Variants in LRRIQ3 observed in about 807,000 individuals in gnomAD.
LRRIQ3 encodes leucine-rich repeat and IQ domain-containing protein 3.
A neutral mutation model predicts 59.3 loss-of-function variants in LRRIQ3; 75 were observed. That is an observed-to-expected ratio of 1.26 (90% CI 1.05 to 1.53). The LOEUF is 1.53. LRRIQ3 is among the 40% of genes most tolerant of loss of function. LRRIQ3 has a pLI of 0.00. For missense variants in LRRIQ3, 831 were observed against 710.0 expected, an observed-to-expected ratio of 1.17 and a Z score of -1.94; for synonymous variants, 250 against 231.3, an observed-to-expected ratio of 1.08 and a Z score of -0.73.
intron 4 of LRRIQ3, among the ~76,000 whole-genome samples, chr1:74,111,932 A>G (rs1258153519): frequency 6.6e-6 from 1 of 152,104 alleles, no homozygotes; most frequent in Non-Finnish European, 1.5e-5. Flanking sequence ...ATATTATGTC[A>G]GGAAAGAATA....
intron 3 of LRRIQ3, chr1:74,179,969 G>C (rs956899568): frequency 6.6e-6 from 1 of 151,612 alleles, no homozygotes; most frequent in African/African-American, 2.4e-5. Context: ...TATATATTTG[G>C]TAAGTTAAAG....
At chr1:74,165,903 C>A (rs2100689276) in intron 3 of LRRIQ3, among the ~76,000 whole-genome samples, 1 of 151,610 alleles carries the variant, frequency 6.6e-6, no homozygotes, top group East Asian at 1.9e-4. Context: ...ATCCTTGAAT[C>A]CCTATACTTG....
In LRRIQ3 at chr1:74,135,948, A is replaced by G. The variant is rs999823006; in HGVS notation, c.707+19785T>C. ...TAGAAAAATAGTAGAGAAAATTAAT[A>G]AAATCATTGATTCTTTGAAAATATC... On this transcript the variant is annotated intron_variant, in intron 4 of 7. Coordinates refer to ENST00000354431, the MANE Select transcript of LRRIQ3 (RefSeq NM_001105659.2). 2.6e-5 allele frequency among the ~76,000 whole-genome samples: 4 copies of G among 152,044 alleles called. No homozygotes were observed. The South Asian group carries it at 8.3e-4, about 32-fold the overall frequency.
chr1:74,092,281 C>T (rs529995525), intron 5 of LRRIQ3, among the ~76,000 whole-genome samples: 4 of 152,062 alleles, frequency 2.6e-5, no homozygotes, highest in Non-Finnish European at 5.9e-5. Context: ...CTGTATACCT[C>T]TGGAGTTTTA....
At chr1:74,081,452 G>A (rs575912459) in intron 5 of LRRIQ3, among the ~76,000 whole-genome samples, 7 of 151,710 alleles carry the variant, frequency 4.6e-5, no homozygotes, top group African/African-American at 1.7e-4. Flanking sequence ...CTACACTACA[G>A]TGGGCACTTG....
chr1:74,071,020 C>CATATATAT (rs34448621), intron 6 of LRRIQ3, among the ~76,000 whole-genome samples: 1 of 147,884 alleles, frequency 6.8e-6, no homozygotes, highest in African/African-American at 2.5e-5. Context: ...GCTATATATA[C>CATATATAT]ATATATATAT....
intron 4 of LRRIQ3, among the ~76,000 whole-genome samples, chr1:74,135,114 A>G (rs540680346): frequency 3.9e-4 from 59 of 152,094 alleles, no homozygotes; most frequent in African/African-American, 1.4e-3. Context: ...TTCTAATATT[A>G]GACAAAATAG....
intron 4 of LRRIQ3, among the ~76,000 whole-genome samples, chr1:74,133,245 C>T (rs1316109804): frequency 1.3e-5 from 2 of 152,090 alleles, no homozygotes; most frequent in Non-Finnish European, 2.9e-5. Context: ...GAAATAGGAA[C>T]ACTTTTATAC....
chr1:74,116,364 A>T (rs938270604), intron 4 of LRRIQ3, among the ~76,000 whole-genome samples: 1 of 152,044 alleles, frequency 6.6e-6, no homozygotes, highest in Non-Finnish European at 1.5e-5. Flanking sequence ...GAAGGCTAGA[A>T]AACCAATATA....
chr1:74,116,902 T>A (rs1208349705), intron 4 of LRRIQ3, among the ~76,000 whole-genome samples: 1 of 152,102 alleles, frequency 6.6e-6, no homozygotes. Flanking sequence ...TTCAAACGAT[T>A]ATTAATTTAA....
intron 4 of LRRIQ3, among the ~76,000 whole-genome samples, chr1:74,144,203 G>C (rs1250502019): frequency 6.6e-6 from 1 of 151,594 alleles, no homozygotes; most frequent in Non-Finnish European, 1.5e-5. Context: ...CCTGACCTTT[G>C]GTCTAATTTC....
chr1:74,080,543 C>T (rs1646262727), intron 5 of LRRIQ3, among the ~76,000 whole-genome samples: 1 of 151,726 alleles, frequency 6.6e-6, no homozygotes. Flanking sequence ...CTGAACTCTG[C>T]TGTCTTTCAA....
chr1:74,125,865 G>A (rs1030178402), intron 4 of LRRIQ3, among the ~76,000 whole-genome samples: 1 of 151,780 alleles, frequency 6.6e-6, no homozygotes, highest in Non-Finnish European at 1.5e-5. Flanking sequence ...TACTGGCCTT[G>A]TAGAATGAGA....
chr1:74,163,483 A>G (rs1352852440), intron 3 of LRRIQ3, among the ~76,000 whole-genome samples: 2 of 151,656 alleles, frequency 1.3e-5, no homozygotes, highest in African/African-American at 4.8e-5. Context: ...TGAGTACTCT[A>G]AGTGTGCTAG....
At chr1:74,107,806 G>T (rs1278756910) in intron 5 of LRRIQ3, among the ~76,000 whole-genome samples, 1 of 151,056 alleles carries the variant, frequency 6.6e-6, no homozygotes, top group African/African-American at 2.4e-5. Context: ...ATGAATGGTG[G>T]TTATAAAAAA....
chr1:74,138,159 C>CAAAAAAAAAAAAAAAAAAAAA (rs1169201760), intron 4 of LRRIQ3, among the ~76,000 whole-genome samples: 1 of 51,570 alleles, frequency 1.9e-5, no homozygotes. Context: ...AAAAAACAAA[C>CAAAAAAAAAAAAAAAAAAAAA]AAACAAAAAA....
chr1:74,125,945 T>A (rs11210422), intron 4 of LRRIQ3, among the ~76,000 whole-genome samples: 128,989 of 151,762 alleles, frequency 0.85, 55,682 homozygotes, highest in East Asian at 0.97. Flanking sequence ...TCTTCTTTAA[T>A]TGTTTAGTAA....
chr1:74,144,246 AG>A (rs1647409968), intron 4 of LRRIQ3: 2 of 164,792 alleles, frequency 1.2e-5, no homozygotes, highest in South Asian at 3.0e-4. Flanking sequence ...TCATTTGACA[AG>A]GAGTCTTATT....
intron 5 of LRRIQ3, among the ~76,000 whole-genome samples, chr1:74,088,594 G>T (rs1646357394): frequency 6.6e-6 from 1 of 151,920 alleles, no homozygotes; most frequent in Non-Finnish European, 1.5e-5. Context: ...TCAACAAATG[G>T]TAGTGGGACA....
Sources: allele counts gnomAD v4.1 joint callset (sites outside exome capture counted in the v4.1 genomes callset), GRCh38; gene constraint gnomAD v4.1.1; transcripts MANE v1.5; gene names NCBI Gene and HGNC (gene_info 2026-07-23, HGNC 2026-07-21).